GOLGA6L9: variants seen among roughly 807,000 people sequenced by gnomAD.
The protein encoded by GOLGA6L9 is golgin A6 family like 9, also known as golgin subfamily A member 6-like protein 9.
GOLGA6L9 carries 19 observed loss-of-function variants against 51.3 expected under a neutral mutation model. The ratio of observed to expected loss-of-function variants is 0.37; its 90% CI spans 0.26 to 0.54. The LOEUF is 0.54. Ranked by LOEUF, GOLGA6L9 falls within the 20% of genes least tolerant of loss-of-function variation. The pLI, the probability that GOLGA6L9 is intolerant of heterozygous loss-of-function variation, is 0.83. For synonymous variants in GOLGA6L9, 97 were observed against 184.2 expected (o/e 0.53, Z 3.83); for missense variants, 247 against 464.1 (o/e 0.53, Z 4.30).
At position 82,437,757 on chromosome 15, in the gene GOLGA6L9, T is replaced by G. The variant is rs1361032025; in HGVS notation, c.*1346T>G. ...TTAGTAGACAGTATTATACTACATT[T>G]GAAAATCAAGGAGCAGTTTATGCAA... is the stretch of plus-strand genomic sequence containing the variant. On this transcript the variant is annotated 3_prime_UTR_variant, in exon 9 of 9. Coordinates refer to ENST00000618348, the MANE Select transcript of GOLGA6L9 (RefSeq NM_198181.4). The G allele has an allele frequency of 7.3e-5, 11 of 150,660 alleles. No homozygotes were observed. Among genetic ancestry groups the G allele is most frequent in the African/African-American group, 2.7e-4 (11 of 40,724 alleles). The allele number at this position is 150,660 out of a possible 1,614,324, so 9.3% of individuals were successfully genotyped here.
In GOLGA6L9 at chr15:82,439,096, A is replaced by T. The variant is rs2031837223; in HGVS notation, c.*2685A>T. The T allele has an allele frequency of 6.6e-6, 1 of 151,886 alleles. No individual in the cohort carries two copies. The highest frequency in any genetic ancestry group is 2.4e-5 in the African/African-American group (1 of 41,146). 9.4% of individuals were successfully genotyped at this position (151,886 alleles called of 1,614,324 possible). On this transcript the variant is annotated 3_prime_UTR_variant, in exon 9 of 9. Transcript: ENST00000618348. ...AGTGGCATTATTGACTGCTGCTGTG[A>T]TGCTACTATAATGTAATACATTATT...
At chr15:82,435,338 T>C in intron 7 of GOLGA6L9, 1 of 325,008 alleles carries the variant, frequency 3.1e-6, no homozygotes, top group Non-Finnish European at 5.9e-6. Context: ...TCTACTAAAA[T>C]TAAAAATAAT....
At chr15:82,429,810 G>C (rs1296575923), upstream of GOLGA6L9, among the ~76,000 whole-genome samples, 1 of 152,064 alleles carries the variant, frequency 6.6e-6, no homozygotes, top group Non-Finnish European at 1.5e-5. Context: ...CTCCCAGAGT[G>C]GGCGGCCTCT....
At chr15:82,427,217 T>G (rs2031222881), upstream of GOLGA6L9, among the ~76,000 whole-genome samples, 3 of 137,886 alleles carry the variant, frequency 2.2e-5, no homozygotes, top group African/African-American at 9.3e-5. Context: ...TTCTTTTCCT[T>G]GTTTCTTTCT....
chr15:82,424,295 C>T, the GOLGA6L9 span, among the ~76,000 whole-genome samples: 7 of 151,934 alleles, frequency 4.6e-5, 1 homozygote, highest in Non-Finnish European at 8.8e-5. Flanking sequence ...TAGTCTCAAA[C>T]TACTGATCTG....
rs2031705157 is a variant in GOLGA6L9, at chr15:82,436,735, T to C, written c.*324T>C. Reference sequence around the variant, plus strand: ...TTTTAGCATTTCTTTAATTTGATAATTATAGGACGTTAGCATGCATATCGA... The same window carrying C: ...TTTTAGCATTTCTTTAATTTGATAACTATAGGACGTTAGCATGCATATCGA... On this transcript the variant is annotated 3_prime_UTR_variant, in exon 9 of 9. Transcript: ENST00000618348. 1 of 195,558 alleles carries C rather than the reference T, an allele frequency of 5.1e-6. No individual in the cohort carries two copies. The highest frequency in any genetic ancestry group is 1.0e-5 in the Non-Finnish European group (1 of 99,600). 12.1% of individuals were successfully genotyped at this position (195,558 alleles called of 1,614,324 possible). A position where few individuals can be genotyped will look rare whatever the true frequency, so the allele number is the denominator to read the frequency against.
the GOLGA6L9 span, among the ~76,000 whole-genome samples, chr15:82,417,538 G>C: frequency 6.6e-6 from 1 of 152,164 alleles, no homozygotes; most frequent in Non-Finnish European, 1.5e-5. Flanking sequence ...ATTTGCATAG[G>C]TATTATGCAG....
the GOLGA6L9 span, among the ~76,000 whole-genome samples, chr15:82,416,589 A>G: frequency 6.6e-6 from 1 of 152,304 alleles, no homozygotes; most frequent in East Asian, 1.9e-4. Flanking sequence ...GTGAAAGCCC[A>G]TTGGAGGCAG....
At position 82,436,758 on chromosome 15, in the gene GOLGA6L9, C is replaced by T. The variant is rs1170564596; in HGVS notation, c.*347C>T. On this transcript the variant is annotated 3_prime_UTR_variant, in exon 9 of 9. Transcript: ENST00000618348. ...AATTATAGGACGTTAGCATGCATAT[C>T]GAGTTTGCCCTTATGTGGTGGGAGT... 6 of 181,776 alleles carry T rather than the reference C, an allele frequency of 3.3e-5. No individual in the cohort carries two copies. The highest frequency in any genetic ancestry group is 5.9e-5 in the Admixed American group (1 of 16,926). 11.3% of individuals were successfully genotyped at this position (181,776 alleles called of 1,614,324 possible).
At chr15:82,417,558 T>C in the GOLGA6L9 span, among the ~76,000 whole-genome samples, 1 of 152,252 alleles carries the variant, frequency 6.6e-6, no homozygotes, top group African/African-American at 2.4e-5. Flanking sequence ...GTTGTACAAA[T>C]GTACTGTCTT....
chr15:82,416,203 G>A, the GOLGA6L9 span, among the ~76,000 whole-genome samples: 369 of 152,274 alleles, frequency 2.4e-3, 2 homozygotes, highest in Middle Eastern at 0.014. Context: ...GAGGGGTTCA[G>A]AGTATACGAA....
chr15:82,419,169 C>G, the GOLGA6L9 span: 2 of 209,184 alleles, frequency 9.6e-6, no homozygotes, highest in Non-Finnish European at 2.0e-5. Flanking sequence ...AGGAATACTT[C>G]TCAAGATAAT....
In GOLGA6L9 at chr15:82,429,928, A is replaced by G. The variant is rs1944560429; in HGVS notation, c.-152A>G. 3 of 956,402 alleles carry G rather than the reference A, an allele frequency of 3.1e-6. No homozygotes were observed. Among genetic ancestry groups the G allele is most frequent in the Middle Eastern group, 3.2e-4 (1 of 3,152 alleles). The allele number at this position is 956,402 out of a possible 1,614,324, so 59.2% of individuals were successfully genotyped here. On this transcript the variant is annotated 5_prime_UTR_variant, in exon 1 of 9. Transcript: ENST00000618348. ...CCTGGCCACGCCTCCTTTCCCTTTC[A>G]TCTTTCTCACTGACCAATGGGCTTG...
rs2031721255 is a variant in GOLGA6L9, at chr15:82,437,100, G to C, written c.*689G>C. 6.8e-6 allele frequency: 1 copy of C among 147,506 alleles called. No individual in the cohort carries two copies. The highest frequency in any genetic ancestry group is 2.5e-5 in the African/African-American group (1 of 39,216). 9.1% of individuals were successfully genotyped at this position (147,506 alleles called of 1,614,324 possible). On this transcript the variant is annotated 3_prime_UTR_variant, in exon 9 of 9. Transcript: ENST00000618348. ...TGCTTTGGCAGGTGTGTGCAGGATAGAATATGTTTCATTTGTTCCGGTGCC... is the reference window on the plus strand; with the variant it reads ...TGCTTTGGCAGGTGTGTGCAGGATACAATATGTTTCATTTGTTCCGGTGCC...
chr15:82,420,332 G>A, the GOLGA6L9 span, among the ~76,000 whole-genome samples: 2 of 151,758 alleles, frequency 1.3e-5, no homozygotes, highest in Admixed American at 6.6e-5. Flanking sequence ...GTCTACAGTT[G>A]TAAATTTATT....
the GOLGA6L9 span, chr15:82,416,042 A>AT: frequency 6.6e-6 from 1 of 152,234 alleles, no homozygotes; most frequent in African/African-American, 2.4e-5. Context: ...TTTCTCTGAG[A>AT]TTTAAAGCTG....
At chr15:82,429,327 G>A (rs1459369691), upstream of GOLGA6L9, among the ~76,000 whole-genome samples, 18 of 152,202 alleles carry the variant, frequency 1.2e-4, no homozygotes, top group East Asian at 9.7e-4. Context: ...CACCCACCTC[G>A]GCCTCCCAAA....
At chr15:82,427,319 CCT>C (rs1448114572), upstream of GOLGA6L9, among the ~76,000 whole-genome samples, 10 of 126,974 alleles carry the variant, frequency 7.9e-5, no homozygotes, top group East Asian at 2.2e-3. Context: ...CTCTTTCTTT[CCT>C]CTTTCTTTTT....
chr15:82,430,092 C>G lies in GOLGA6L9; in HGVS notation c.13C>G (p.Pro5Ala), dbSNP rs1262322732. 4.1e-6 allele frequency: 3 copies of G among 730,206 alleles called. No individual in the cohort carries two copies. The highest frequency in any genetic ancestry group is 2.1e-5 in the Admixed American group (1 of 47,142). The allele number at this position is 730,206 out of a possible 1,614,324, so 45.2% of individuals were successfully genotyped here. A position where few individuals can be genotyped will look rare whatever the true frequency, so the allele number is the denominator to read the frequency against. Residue 5 changes from proline (P) to alanine (A), a missense_variant, in exon 1 of 9, where the codon CCC (proline) becomes GCC (alanine). Around this residue, in one of 9 missense-constraint regions of GOLGA6L9, gnomAD observed 14 missense variants for 18.1 expected, o/e 0.77. Transcript: ENST00000618348. ...TGGTATTTCGCTGATGTGGCCCCAA[C>G]CCCGCCTCCCTCCCCACCCCGCGAT... Reference protein sequence around the residue: MWPQPRLPPHPAMSE... With the variant: MWPQARLPPHPAMSE...
Sources: gnomAD v4.1 joint callset for allele counts (sites outside exome capture counted in the v4.1 genomes callset) on GRCh38, gnomAD v4.1.1 for gene constraint, gnomAD v4.1.1 regional missense constraint, MANE v1.5 for transcripts, NCBI Gene and HGNC (gene_info 2026-07-23, HGNC 2026-07-21) for gene names.